Variants in LTBP2 observed in about 807,000 individuals in gnomAD.
LTBP2 encodes the protein latent-transforming growth factor beta-binding protein 2.
LTBP2 carries 103 observed loss-of-function variants against 210.6 expected under a neutral mutation model. The observed-to-expected ratio is 0.49, with a 90% confidence interval of 0.42 to 0.58. LTBP2 has a LOEUF of 0.58. LTBP2 is among the 20% of genes least tolerant of loss of function. The probability of loss-of-function intolerance (pLI) is 0.00; values close to 1 mark genes in which losing one functional copy is unlikely to be tolerated. For missense variants in LTBP2, 2,313 were observed against 2,494.5 expected (o/e 0.93, Z 1.55); for synonymous variants, 1,007 against 1,015.0 (o/e 0.99, Z 0.15).
chr14:74,598,826 T>G (rs1454945155), intron 2 of LTBP2, among the ~76,000 whole-genome samples: 1 of 152,184 alleles, frequency 6.6e-6, no homozygotes, highest in African/African-American at 2.4e-5. Flanking sequence ...AAACTTAGCC[T>G]GCGCCAGGCT....
In LTBP2 at chr14:74,540,877, A is replaced by AAT. The variant is rs1209278952; in HGVS notation, c.1790-4879_1790-4878dup. ...ATATATTATATATATTTATATATAT[A>AAT]ATATATATATTATATATTAAAAATA... On this transcript the variant is annotated intron_variant, in intron 8 of 35. Transcript: ENST00000261978. Among the ~76,000 whole-genome samples, 539 of 79,498 alleles carry AAT rather than the reference A, an allele frequency of 6.8e-3. 36 individuals carry two copies. The highest frequency in any genetic ancestry group is 0.012 in the Non-Finnish European group (487 of 42,002). The allele number at this position is 79,498 out of a possible 152,430, so 52.2% of individuals were successfully genotyped here.
chr14:74,607,266 G>A (rs2088539450), intron 1 of LTBP2, among the ~76,000 whole-genome samples: 1 of 152,160 alleles, frequency 6.6e-6, no homozygotes, highest in Admixed American at 6.5e-5. Flanking sequence ...TCCAATAGAG[G>A]GAACTTGCCA....
rs1337117896 is a variant in LTBP2 at position 74,500,889 on chromosome 14, C to A, written c.5461G>T (p.Glu1821Ter). 1 of 1,614,082 alleles carries A rather than the reference C, an allele frequency of 6.2e-7. No homozygotes were observed. The highest frequency in any genetic ancestry group is 8.5e-7 in the Non-Finnish European group (1 of 1,180,028). ...EAGPPHCTAK[E>*] ...GCCACACTGACCCCTGACTGCTACT[C>A]CTTGGCAGTGCAGTGGGGGGGCCCT... The change falls in exon 36 of 36, where the codon GAG (glutamate) becomes TAG (stop). Residue 1821 changes from glutamate (E) to a stop codon, truncating the protein, a stop_gained. Transcript: ENST00000261978. LOFTEE classifies it high-confidence loss of function.
chr14:74,566,437 C>CG (rs1295186524), intron 3 of LTBP2, among the ~76,000 whole-genome samples: 1 of 152,220 alleles, frequency 6.6e-6, no homozygotes, highest in East Asian at 1.9e-4. Context: ...CCTGCGGCTG[C>CG]AGGGGCAGCT....
chr14:74,597,647 C>T (rs2088386206), intron 2 of LTBP2, among the ~76,000 whole-genome samples: 1 of 152,222 alleles, frequency 6.6e-6, no homozygotes, highest in African/African-American at 2.4e-5. Flanking sequence ...GGGTAACCTG[C>T]TCCCCAGGAA....
intron 3 of LTBP2, among the ~76,000 whole-genome samples, chr14:74,563,880 A>G (rs1465439690): frequency 6.7e-6 from 1 of 148,792 alleles, no homozygotes; most frequent in Non-Finnish European, 1.5e-5. Flanking sequence ...TACAGAAAAT[A>G]AGGATATATG....
At chr14:74,559,073 C>A (rs1227713034) in intron 3 of LTBP2, among the ~76,000 whole-genome samples, 1 of 152,086 alleles carries the variant, frequency 6.6e-6, no homozygotes, top group Non-Finnish European at 1.5e-5. Context: ...TAGAAAAATA[C>A]GCCAGAATTT....
chr14:74,567,996 A>C (rs3825710), intron 3 of LTBP2, among the ~76,000 whole-genome samples: 76,159 of 152,020 alleles, frequency 0.5, 19,722 homozygotes, highest in Non-Finnish European at 0.56. Context: ...CATTATGCAA[A>C]GGGCATCTTT....
At chr14:74,575,048 A>G (rs1489803925) in intron 3 of LTBP2, among the ~76,000 whole-genome samples, 1 of 152,200 alleles carries the variant, frequency 6.6e-6, no homozygotes, top group Non-Finnish European at 1.5e-5. Context: ...TGCCGGCTTT[A>G]TCACGCAGAA....
chr14:74,556,697 T>C (rs944414196), intron 3 of LTBP2, among the ~76,000 whole-genome samples: 14 of 152,198 alleles, frequency 9.2e-5, no homozygotes, highest in African/African-American at 3.1e-4. Flanking sequence ...TTTGTATTTT[T>C]AGTAGAGACA....
chr14:74,518,790 G>C (rs1034483563), intron 17 of LTBP2, among the ~76,000 whole-genome samples: 63 of 152,364 alleles, frequency 4.1e-4, no homozygotes, highest in African/African-American at 1.3e-3. Context: ...TGATCCTGCT[G>C]TACTGGTGGG....
intron 1 of LTBP2, 59 bp downstream of exon 1, chr14:74,611,392 T>G: frequency 1.4e-6 from 2 of 1,404,850 alleles, no homozygotes; most frequent in Non-Finnish European, 1.8e-6. Context: ...TGCACGCCCC[T>G]CCACAAATGA....
chr14:74,501,043 A>C lies in LTBP2; in HGVS notation c.5321-14T>G. 2 of 1,611,238 alleles carry C rather than the reference A, an allele frequency of 1.2e-6. No individual in the cohort carries two copies. The highest frequency in any genetic ancestry group is 1.7e-6 in the Non-Finnish European group (2 of 1,178,670). On this transcript the variant is annotated splice_polypyrimidine_tract_variant and intron_variant, in intron 35 of 35. Coordinates refer to ENST00000261978, the MANE Select transcript of LTBP2 (RefSeq NM_000428.3). ...ACTCATTCACATCTAAGAGGAAACA[A>C]AGGAGAGTGCTGTAGGGAGCCCAGG... is the stretch of plus-strand genomic sequence containing the variant.
At chr14:74,501,886 C>T (rs757899022) in intron 34 of LTBP2, 4 of 487,398 alleles carry the variant, frequency 8.2e-6, no homozygotes, top group East Asian at 3.8e-5. Context: ...TTTGGGTGGT[C>T]GAGGAGTGTG....
At chr14:74,583,712 T>G (rs1040363644) in intron 3 of LTBP2, among the ~76,000 whole-genome samples, 5 of 152,230 alleles carry the variant, frequency 3.3e-5, no homozygotes, top group Non-Finnish European at 7.3e-5. Flanking sequence ...TCACCTAGCC[T>G]CATTTATTTA....
At chr14:74,610,665 G>C (rs904454446) in intron 1 of LTBP2, among the ~76,000 whole-genome samples, 2 of 152,348 alleles carry the variant, frequency 1.3e-5, no homozygotes, top group Middle Eastern at 6.8e-3. Context: ...GGATTACTGG[G>C]GCATCTTCTC....
At chr14:74,583,602 C>T (rs1222799570) in intron 3 of LTBP2, among the ~76,000 whole-genome samples, 1 of 152,260 alleles carries the variant, frequency 6.6e-6, no homozygotes, top group Non-Finnish European at 1.5e-5. Context: ...TCACCCAGGA[C>T]CTTGGCCCTC....
chr14:74,527,105 T>C (rs1361919544), intron 13 of LTBP2, among the ~76,000 whole-genome samples: 1 of 152,220 alleles, frequency 6.6e-6, no homozygotes, highest in Non-Finnish European at 1.5e-5. Context: ...CCATCCCAAA[T>C]GGGAAAATGC....
rs769864712 is a variant in LTBP2, at chr14:74,505,077, A to G, written c.4275T>C (p.Ser1425=). 1 of 1,614,148 alleles carries G rather than the reference A, an allele frequency of 6.2e-7. No homozygotes were observed. The highest frequency in any genetic ancestry group is 1.1e-5 in the South Asian group (1 of 91,078). ...SGQKGHAPCS[S]VLGRNTTQAE... is the part of the protein sequence containing the mutation. The stretch of plus-strand genomic sequence containing the variant: ...CCTGTGTGGTGTTCCGGCCCAGGAC[A>G]CTGGAGCAGGGCGCATGGCCCTTCT... The change falls in exon 29 of 36, where the codon AGT becomes AGC. Residue 1425 remains serine (S), a synonymous_variant. Coordinates refer to ENST00000261978, the MANE Select transcript of LTBP2 (RefSeq NM_000428.3).
Sources: allele counts gnomAD v4.1 joint callset (sites outside exome capture counted in the v4.1 genomes callset), GRCh38; gene constraint gnomAD v4.1.1; transcripts MANE v1.5; gene names NCBI Gene and HGNC (gene_info 2026-07-23, HGNC 2026-07-21).